The following TLN2 variants were observed in gnomAD, a reference collection of about 807,000 sequenced individuals.
TLN2 encodes talin 2.
In TLN2, 118 loss-of-function variants were observed where a neutral mutation model predicts 294.7. The observed-to-expected ratio is 0.40, with a 90% CI of 0.34 to 0.47. TLN2 has a LOEUF of 0.47. Among genes scored for constraint, TLN2 ranks in the 20% least tolerant of loss-of-function variants. The pLI is 0.84. For missense variants in TLN2, 3,083 were observed against 3,282.2 expected, an observed-to-expected ratio of 0.94 and a Z score of 1.48; for synonymous variants, 1,431 against 1,304.5, an observed-to-expected ratio of 1.10 and a Z score of -2.09.
In TLN2 at chr15:62,673,309, G is replaced by GTTTTTTTTTT. The variant is rs1379480852; in HGVS notation, c.789-518_789-517insTTTTTTTTTT. Among the ~76,000 whole-genome samples, 9 of 6,224 alleles carry GTTTTTTTTTT rather than the reference G, an allele frequency of 1.4e-3. No individual in the cohort carries two copies. The Admixed American group carries it at 0.015, about 10-fold the overall frequency. 4.1% of individuals were successfully genotyped at this position (6,224 alleles called of 152,430 possible). A position where few individuals can be genotyped will look rare whatever the true frequency, so the allele number is the denominator to read the frequency against. ...AGTTTGCTTTAGATTTTTAGATGTT[G>GTTTTTTTTTT]CTTTTTTTTTTTTTTTTTTGCAATT... On this transcript the variant is annotated intron_variant, in intron 9 of 58. Coordinates refer to ENST00000636159, the MANE Select transcript of TLN2 (RefSeq NM_015059.3).
intron 1 of TLN2, among the ~76,000 whole-genome samples, chr15:62,529,267 A>G (rs566646237): frequency 7.2e-5 from 11 of 152,144 alleles, no homozygotes; most frequent in African/African-American, 2.6e-4. Flanking sequence ...CTAATTAAAA[A>G]AAATTTTTTT....
chr15:62,461,188 C>T (rs971490991), intron 1 of TLN2, among the ~76,000 whole-genome samples: 2 of 152,142 alleles, frequency 1.3e-5, no homozygotes, highest in African/African-American at 4.8e-5. Flanking sequence ...TCGTGATCCG[C>T]CTGCGTCGGC....
At chr15:62,687,364 T>C (rs2141045120) in intron 12 of TLN2, among the ~76,000 whole-genome samples, 1 of 152,342 alleles carries the variant, frequency 6.6e-6, no homozygotes, top group African/African-American at 2.4e-5. Context: ...AGCTATAAAA[T>C]GGTGATAGTC....
chr15:62,741,501 C>G (rs1376906277), intron 32 of TLN2, among the ~76,000 whole-genome samples: 1 of 152,138 alleles, frequency 6.6e-6, no homozygotes, highest in Non-Finnish European at 1.5e-5. Flanking sequence ...AGCAGCCCCT[C>G]TTTCATTTTC....
intron 2 of TLN2, among the ~76,000 whole-genome samples, chr15:62,603,423 T>G (rs2047164025): frequency 6.6e-6 from 1 of 151,298 alleles, no homozygotes; most frequent in Admixed American, 6.6e-5. Context: ...TAATTCTTCT[T>G]CTGTAGTGGC....
At chr15:62,656,339 C>T (rs954181348) in intron 8 of TLN2, among the ~76,000 whole-genome samples, 1 of 152,206 alleles carries the variant, frequency 6.6e-6, no homozygotes, top group Non-Finnish European at 1.5e-5. Flanking sequence ...CACTGTGTCC[C>T]TCTCTGCCGG....
Position 62,796,275 on chromosome 15 carries a change from A to G in TLN2, c.6032A>G (p.Glu2011Gly). 6.2e-7 allele frequency: 1 copy of G among 1,613,928 alleles called. No homozygotes were observed. The highest frequency in any genetic ancestry group is 1.3e-5 in the African/African-American group (1 of 75,074). Residue 2011 changes from glutamate (E) to glycine (G), a missense_variant, in exon 47 of 59, where the codon GAG becomes GGG. Transcript: ENST00000636159. ...TAGTLNAENS[E>G]TFADHRENIL... ...GGGACGCTGAATGCAGAGAACAGTG[A>G]GACCTTCGCAGACCACAGGTACGTG...
rs1286611882 is a variant in TLN2, at chr15:62,792,641, A to G, written c.5737A>G (p.Ile1913Val). The G allele has an allele frequency of 2.5e-6, 4 of 1,612,784 alleles. No homozygotes were observed. Among genetic ancestry groups the G allele is most frequent in the African/African-American group, 1.3e-5 (1 of 74,888 alleles). ...CCCCATCCTGGGCTTGCCTCTGCAG[A>G]TCGGATTCCAGATTCGCACTCGTGT... ...MAAATAEPEEIGFQIRTRVQD... is the reference protein window; with the variant it reads ...MAAATAEPEEVGFQIRTRVQD... Residue 1913 changes from isoleucine (I) to valine (V), a missense_variant and splice_region_variant, in exon 46 of 59, where the codon ATC becomes GTC. By Grantham distance (29) the Ile-to-Val change is conservative. Coordinates refer to ENST00000636159, the MANE Select transcript of TLN2 (RefSeq NM_015059.3).
At chr15:62,673,216 A>T (rs2055668313) in intron 9 of TLN2, among the ~76,000 whole-genome samples, 1 of 150,466 alleles carries the variant, frequency 6.6e-6, no homozygotes, top group Non-Finnish European at 1.5e-5. Flanking sequence ...CAGTCAAAAG[A>T]CTGTTTTGCA....
intron 1 of TLN2, among the ~76,000 whole-genome samples, chr15:62,558,928 C>A (rs2042758796): frequency 1.3e-5 from 2 of 152,178 alleles, no homozygotes; most frequent in Admixed American, 6.6e-5. Flanking sequence ...AAACACATAT[C>A]CTGCTTTTAG....
chr15:62,708,451 G>T, intron 20 of TLN2, 51 bp from the exon 21 acceptor site: 1 of 1,583,098 alleles, frequency 6.3e-7, no homozygotes, highest in South Asian at 1.1e-5. Flanking sequence ...CACATGGAGA[G>T]GGACCAGGAT....
chr15:62,819,963 T>C (rs1239844366), intron 53 of TLN2, among the ~76,000 whole-genome samples: 2 of 152,226 alleles, frequency 1.3e-5, no homozygotes, highest in Non-Finnish European at 2.9e-5. Flanking sequence ...GTACTTCATG[T>C]TTTGAAAATG....
At chr15:62,588,097 G>A (rs1161738882) in intron 1 of TLN2, among the ~76,000 whole-genome samples, 1 of 151,994 alleles carries the variant, frequency 6.6e-6, no homozygotes, top group African/African-American at 2.4e-5. Context: ...AGCCAGGATG[G>A]TCTCGATATC....
chr15:62,614,502 T>C (rs947386661), intron 2 of TLN2, among the ~76,000 whole-genome samples: 7 of 152,114 alleles, frequency 4.6e-5, no homozygotes, highest in African/African-American at 9.7e-5. Flanking sequence ...AAAAAAATTA[T>C]AGTTTTCTCA....
rs1426600304 is a variant in TLN2 at position 62,842,904 on chromosome 15, C to T, written c.*2294C>T. 1.3e-5 allele frequency: 2 copies of T among 152,198 alleles called. No homozygotes were observed. Among genetic ancestry groups the T allele is most frequent in the Non-Finnish European group, 2.9e-5 (2 of 68,060 alleles). The allele number at this position is 152,198 out of a possible 1,614,324, so 9.4% of individuals were successfully genotyped here. A position where few individuals can be genotyped will look rare whatever the true frequency, so the allele number is the denominator to read the frequency against. The stretch of plus-strand genomic sequence containing the variant: ...CTGTCCTTTCCTCATCCACCCTGCA[C>T]ATGTGTATGTGAACGGCTTCGTGGC... On this transcript the variant is annotated 3_prime_UTR_variant, in exon 59 of 59. Coordinates refer to ENST00000636159, the MANE Select transcript of TLN2 (RefSeq NM_015059.3).
Position 62,740,736 on chromosome 15 carries a change from C to T in TLN2, c.3992C>T (p.Pro1331Leu). The change falls in exon 32 of 59, where the codon CCC (proline) becomes CTC (leucine). Residue 1331 changes from proline (P) to leucine (L), a missense_variant. Coordinates refer to ENST00000636159, the MANE Select transcript of TLN2 (RefSeq NM_015059.3). Reference sequence around the variant, plus strand: ...TCTCTCTCTGTAGATCCAGGAGCTCCCAATGCGAAAAATCTCCTGGCTGCA... The same window carrying T: ...TCTCTCTCTGTAGATCCAGGAGCTCTCAATGCGAAAAATCTCCTGGCTGCA... ...AKSLSVDPGA[P>L]NAKNLLAAAA... The T allele has an allele frequency of 6.2e-7, 1 of 1,614,152 alleles. No individual in the cohort carries two copies. The highest frequency in any genetic ancestry group is 2.2e-5 in the East Asian group (1 of 44,872).
intron 45 of TLN2, among the ~76,000 whole-genome samples, chr15:62,788,766 G>T (rs936033983): frequency 6.6e-6 from 1 of 152,212 alleles, no homozygotes; most frequent in Admixed American, 6.5e-5. Flanking sequence ...AACCCTGGCT[G>T]CCTCTCTGTA....
intron 6 of TLN2, among the ~76,000 whole-genome samples, 200 bp downstream of exon 6, chr15:62,652,334 G>T (rs10851716): frequency 6.6e-6 from 1 of 151,858 alleles, no homozygotes; most frequent in African/African-American, 2.4e-5. Context: ...AAGTCACAAC[G>T]GAGGGCTTTC....
chr15:62,635,946 C>T (rs1399897683), intron 3 of TLN2, among the ~76,000 whole-genome samples: 1 of 152,086 alleles, frequency 6.6e-6, no homozygotes, highest in Non-Finnish European at 1.5e-5. Context: ...AGATCCGTGG[C>T]CTTGGTCGAG....
Sources: allele counts gnomAD v4.1 joint callset (sites outside exome capture counted in the v4.1 genomes callset), GRCh38; gene constraint gnomAD v4.1.1; transcripts MANE v1.5; gene names NCBI Gene and HGNC (gene_info 2026-07-23, HGNC 2026-07-21).